The following CNTNAP4 variants were observed in gnomAD, a reference collection of about 807,000 sequenced individuals.
The protein encoded by CNTNAP4 is contactin-associated protein-like 4.
A neutral mutation model predicts 148.4 loss-of-function variants in CNTNAP4; 98 were observed. That is an observed-to-expected ratio of 0.66 (90% CI 0.56 to 0.78). The LOEUF (loss-of-function observed/expected upper bound fraction) is 0.78, where lower values mean the gene tolerates loss of function less well. Ranked by LOEUF, CNTNAP4 falls within the 30% of genes least tolerant of loss-of-function variation. CNTNAP4 has a pLI of 0.00. For synonymous variants in CNTNAP4, 730 were observed against 565.1 expected, an observed-to-expected ratio of 1.29 and a Z score of -4.14; for missense variants, 1,935 against 1,565.6, an observed-to-expected ratio of 1.24 and a Z score of -3.98.
At chr16:76,503,791 T>G (rs1399963801) in intron 15 of CNTNAP4, among the ~76,000 whole-genome samples, 1 of 152,036 alleles carries the variant, frequency 6.6e-6, no homozygotes, top group Admixed American at 6.6e-5. Context: ...TGGTTTTTTG[T>G]CTTTGCGATA....
At chr16:76,494,695 T>A (rs559647689) in intron 13 of CNTNAP4, among the ~76,000 whole-genome samples, 14 of 152,326 alleles carry the variant, frequency 9.2e-5, no homozygotes, top group African/African-American at 3.4e-4. Context: ...ACAAATGTAT[T>A]GGTCATTTAA....
chr16:76,501,818 C>T (rs570539239), intron 15 of CNTNAP4, among the ~76,000 whole-genome samples: 36 of 152,252 alleles, frequency 2.4e-4, no homozygotes, highest in South Asian at 2.1e-3. Context: ...CGCCTGTAAT[C>T]CCAGCACTTT....
intron 1 of CNTNAP4, among the ~76,000 whole-genome samples, chr16:76,300,497 T>C (rs1211719001): frequency 1.3e-5 from 2 of 152,098 alleles, no homozygotes; most frequent in Non-Finnish European, 1.5e-5. Context: ...TGTATACCTA[T>C]GCAACAAACC....
intron 3 of CNTNAP4, among the ~76,000 whole-genome samples, chr16:76,377,522 G>A (rs1442778319): frequency 6.6e-6 from 1 of 152,166 alleles, no homozygotes; most frequent in African/African-American, 2.4e-5. Flanking sequence ...AGAAGAAGGT[G>A]TGGGCAGGGA....
intron 2 of CNTNAP4, among the ~76,000 whole-genome samples, chr16:76,326,289 C>T (rs1962967778): frequency 6.6e-6 from 1 of 152,132 alleles, no homozygotes; most frequent in Admixed American, 6.5e-5. Context: ...AATGCCTCCC[C>T]TCAGCTGGAA....
intron 4 of CNTNAP4, among the ~76,000 whole-genome samples, chr16:76,429,229 A>T (rs1330645466): frequency 6.6e-6 from 1 of 152,174 alleles, no homozygotes; most frequent in Non-Finnish European, 1.5e-5. Context: ...TGATCCTGCA[A>T]ACTAGAAGTT....
At chr16:76,423,166 A>G (rs2079252095) in intron 3 of CNTNAP4, among the ~76,000 whole-genome samples, 1 of 152,078 alleles carries the variant, frequency 6.6e-6, no homozygotes, top group East Asian at 1.9e-4. Flanking sequence ...TGAAAAATAA[A>G]TTTTTGTTGT....
At chr16:76,479,624 A>T in intron 12 of CNTNAP4, 86 bp downstream of exon 12, 1 of 1,393,270 alleles carries the variant, frequency 7.2e-7, no homozygotes. Context: ...CAGAATGTTG[A>T]CGTAATTTGC....
intron 2 of CNTNAP4, among the ~76,000 whole-genome samples, chr16:76,332,297 G>T (rs540009397): frequency 2.6e-5 from 4 of 152,124 alleles, no homozygotes; most frequent in Admixed American, 2.6e-4. Context: ...ATGTCATTCT[G>T]TTGCCCAGGC....
intron 2 of CNTNAP4, among the ~76,000 whole-genome samples, chr16:76,349,970 AAG>A (rs1195257200): frequency 5.3e-5 from 8 of 152,052 alleles, no homozygotes; most frequent in African/African-American, 1.7e-4. Flanking sequence ...AGCTCCAACT[AAG>A]AGTATTTTTT....
At position 76,404,311 on chromosome 16, in the gene CNTNAP4, G is replaced by C. The variant is rs77148625; in HGVS notation, c.391-23141G>C. ...TAAAAGACATAACAATAACAAAAAA[G>C]CATATCAGGATCACCGAGAGTAGTT... On this transcript the variant is annotated intron_variant, in intron 3 of 23. Transcript: ENST00000611870. Among the ~76,000 whole-genome samples the C allele has an allele frequency of 3.3e-5, 5 of 149,648 alleles. No homozygotes were observed. In the East Asian group the frequency reaches 5.9e-4, roughly 18 times the overall value.
At chr16:76,422,077 A>G (rs1461678782) in intron 3 of CNTNAP4, among the ~76,000 whole-genome samples, 2 of 152,202 alleles carry the variant, frequency 1.3e-5, no homozygotes, top group Non-Finnish European at 2.9e-5. Context: ...TCACTTTGGA[A>G]ATACTCAAAA....
At chr16:76,326,064 A>G (rs544619240) in intron 2 of CNTNAP4, among the ~76,000 whole-genome samples, 1 of 152,340 alleles carries the variant, frequency 6.6e-6, no homozygotes, top group Non-Finnish European at 1.5e-5. Context: ...TATGACTGTA[A>G]ACTTACACAT....
chr16:76,317,178 C>A (rs939747998), intron 2 of CNTNAP4, among the ~76,000 whole-genome samples: 12 of 147,172 alleles, frequency 8.2e-5, no homozygotes, highest in African/African-American at 3.0e-4. Context: ...TATCACTGAA[C>A]TCAGAAGTTG....
intron 3 of CNTNAP4, among the ~76,000 whole-genome samples, chr16:76,378,231 G>A (rs76442105): frequency 8.8e-4 from 134 of 152,180 alleles, no homozygotes; most frequent in African/African-American, 3.1e-3. Flanking sequence ...ACTCATTATT[G>A]CACAATATAT....
chr16:76,521,568 AAC>A lies in CNTNAP4; in HGVS notation c.2536+262_2536+263del, dbSNP rs1201595114. ...TTTAATTTCAGTTAATTAAAACTAAAACACAATTTTTTAGTTAATTACAAATT... is the reference window on the plus strand; with the variant it reads ...TTTAATTTCAGTTAATTAAAACTAAAACAATTTTTTAGTTAATTACAAATT... On this transcript the variant is annotated intron_variant, in intron 16 of 23. Transcript: ENST00000611870. Among the ~76,000 whole-genome samples, 20 of 152,328 alleles carry A rather than the reference AAC, an allele frequency of 1.3e-4. No homozygotes were observed. In the East Asian group the frequency reaches 2.1e-3, roughly 16 times the overall value.
rs144655707 is a variant in CNTNAP4, at chr16:76,373,469, T to C, written c.390+17958T>C. On this transcript the variant is annotated intron_variant, in intron 3 of 23. Transcript: ENST00000611870. The stretch of plus-strand genomic sequence containing the variant: ...GTCTAAGATTTTTTCTTTTTATTAT[T>C]ATCTGCACTAAATTTACTCCTTTCA... Among the ~76,000 whole-genome samples the C allele has an allele frequency of 8.2e-3, 1,248 of 152,322 alleles. 21 individuals carry two copies. The highest frequency in any genetic ancestry group is 0.029 in the African/African-American group (1,186 of 41,582).
chr16:76,432,492 T>A (rs1198768953), intron 4 of CNTNAP4: 2 of 152,114 alleles, frequency 1.3e-5, no homozygotes, highest in Non-Finnish European at 2.9e-5. Flanking sequence ...GCAGCAGTGA[T>A]CCTGTTTGCA....
chr16:76,535,812 G>T (rs1312782114), intron 18 of CNTNAP4, 28 bp downstream of exon 18: 1 of 1,590,854 alleles, frequency 6.3e-7, no homozygotes, highest in Non-Finnish European at 8.6e-7. Flanking sequence ...GACTGTAAGA[G>T]GAAAATTTAT....
Sources: gnomAD v4.1 joint callset for allele counts (sites outside exome capture counted in the v4.1 genomes callset) on GRCh38, gnomAD v4.1.1 for gene constraint, MANE v1.5 for transcripts, NCBI Gene and HGNC (gene_info 2026-07-23, HGNC 2026-07-21) for gene names.